Variants in AGBL1 observed in about 807,000 individuals in gnomAD.
AGBL1 encodes AGBL carboxypeptidase 1.
AGBL1 carries 130 observed loss-of-function variants against 118.9 expected under a neutral mutation model. That is an observed-to-expected ratio of 1.09 (90% CI 0.95 to 1.26). The LOEUF (loss-of-function observed/expected upper bound fraction) is 1.26. AGBL1 is among the 50% of genes most tolerant of loss of function. AGBL1 has a pLI of 0.00. For missense variants in AGBL1, 1,584 were observed against 1,298.1 expected (o/e 1.22, Z -3.38); for synonymous variants, 555 against 478.9 (o/e 1.16, Z -2.08).
intron 22 of AGBL1, among the ~76,000 whole-genome samples, chr15:86,891,903 G>C (rs575394289): frequency 2.0e-5 from 3 of 152,206 alleles, no homozygotes; most frequent in African/African-American, 7.2e-5. Flanking sequence ...AACTAATTAG[G>C]TAAATAGTTT....
chr15:86,747,978 G>T (rs546914068), intron 22 of AGBL1, among the ~76,000 whole-genome samples: 24 of 152,092 alleles, frequency 1.6e-4, no homozygotes, highest in African/African-American at 4.6e-4. Context: ...ATTTATAATC[G>T]TTTGGGTATA....
chr15:86,333,239 A>T (rs1230628564), intron 17 of AGBL1, among the ~76,000 whole-genome samples: 1 of 152,190 alleles, frequency 6.6e-6, no homozygotes, highest in Non-Finnish European at 1.5e-5. Context: ...GAATTGATGA[A>T]GCCCAAAGTT....
chr15:86,880,253 T>C (rs1048333479), intron 22 of AGBL1, among the ~76,000 whole-genome samples: 1 of 152,218 alleles, frequency 6.6e-6, no homozygotes, highest in African/African-American at 2.4e-5. Flanking sequence ...ATGTCAGTGA[T>C]AAAGTAAGAA....
chr15:86,964,031 C>CTGTGTGTG (rs1555466861), intron 23 of AGBL1, among the ~76,000 whole-genome samples: 6 of 146,306 alleles, frequency 4.1e-5, no homozygotes, highest in South Asian at 2.2e-4. Context: ...CTCTCTCTCT[C>CTGTGTGTG]TGTGTGTGTG....
intron 22 of AGBL1, among the ~76,000 whole-genome samples, chr15:86,855,392 G>A (rs2079463469): frequency 6.6e-6 from 1 of 152,194 alleles, no homozygotes; most frequent in African/African-American, 2.4e-5. Context: ...AGTGCCTCTT[G>A]AGTTCCAGGG....
At chr15:86,170,768 C>A (rs1344981874) in intron 5 of AGBL1, among the ~76,000 whole-genome samples, 1 of 151,898 alleles carries the variant, frequency 6.6e-6, no homozygotes, top group Non-Finnish European at 1.5e-5. Flanking sequence ...ATTGCTTGAA[C>A]CAGGTGGATG....
chr15:86,173,616 TG>T (rs2077443282), intron 5 of AGBL1, among the ~76,000 whole-genome samples: 1 of 152,178 alleles, frequency 6.6e-6, no homozygotes, highest in Non-Finnish European at 1.5e-5. Context: ...TGTTGATTTT[TG>T]TATGTGCCGA....
chr15:86,514,643 A>G (rs1396646240), intron 18 of AGBL1, among the ~76,000 whole-genome samples: 1 of 152,136 alleles, frequency 6.6e-6, no homozygotes. Flanking sequence ...GAAATTAGAC[A>G]AAAATATATG....
chr15:86,762,163 A>G (rs2078035337), intron 22 of AGBL1, among the ~76,000 whole-genome samples: 2 of 152,100 alleles, frequency 1.3e-5, no homozygotes, highest in Non-Finnish European at 2.9e-5. Flanking sequence ...GTGGGAGCTG[A>G]ACAATGAGAA....
intron 24 of AGBL1, among the ~76,000 whole-genome samples, chr15:87,017,341 T>C (rs1034035610): frequency 1.3e-4 from 20 of 152,246 alleles, no homozygotes; most frequent in African/African-American, 4.8e-4. Flanking sequence ...ATGAGACTTC[T>C]CAACAGAGGT....
At chr15:86,224,180 A>C (rs1330318369) in intron 5 of AGBL1, among the ~76,000 whole-genome samples, 1 of 152,132 alleles carries the variant, frequency 6.6e-6, no homozygotes, top group Non-Finnish European at 1.5e-5. Flanking sequence ...CCCTATAATT[A>C]TACTACACTG....
intron 5 of AGBL1, among the ~76,000 whole-genome samples, chr15:86,165,548 G>A (rs901506590): frequency 1.3e-5 from 2 of 152,144 alleles, no homozygotes; most frequent in African/African-American, 4.8e-5. Flanking sequence ...ACTCTTCACT[G>A]AGACAATGGA....
chr15:86,584,292 A>G (rs1423410524), intron 21 of AGBL1, among the ~76,000 whole-genome samples: 4 of 151,984 alleles, frequency 2.6e-5, no homozygotes, highest in African/African-American at 9.7e-5. Context: ...TTCCTAGATT[A>G]TATTCTAGTA....
chr15:86,518,664 A>C (rs781578879), intron 18 of AGBL1, among the ~76,000 whole-genome samples: 1 of 152,128 alleles, frequency 6.6e-6, no homozygotes, highest in African/African-American at 2.4e-5. Flanking sequence ...GTGGGAAACA[A>C]TCAAGGTAAA....
intron 22 of AGBL1, among the ~76,000 whole-genome samples, chr15:86,721,249 A>C (rs981499153): frequency 4.6e-5 from 7 of 152,236 alleles, no homozygotes; most frequent in African/African-American, 1.7e-4. Flanking sequence ...AAAAATCCTC[A>C]ATAAAATACT....
chr15:86,159,076 A>T (rs778607249), intron 5 of AGBL1, 50 bp downstream of exon 5: 3 of 1,530,048 alleles, frequency 2.0e-6, no homozygotes, highest in Non-Finnish European at 2.7e-6. Flanking sequence ...AGATGGAGAG[A>T]TGGAGATTGC....
At chr15:86,645,410 G>A (rs1006627993) in intron 21 of AGBL1, among the ~76,000 whole-genome samples, 11 of 152,114 alleles carry the variant, frequency 7.2e-5, no homozygotes, top group Admixed American at 7.2e-4. Flanking sequence ...TTAAAAAATG[G>A]GAAGATAAGC....
chr15:86,823,416 G>A (rs2078967901), intron 22 of AGBL1, among the ~76,000 whole-genome samples: 1 of 152,092 alleles, frequency 6.6e-6, no homozygotes, highest in Non-Finnish European at 1.5e-5. Context: ...CTTGAAATTT[G>A]CAATATCTCA....
At chr15:86,217,566 A>C (rs979388721) in intron 5 of AGBL1, among the ~76,000 whole-genome samples, 3 of 152,216 alleles carry the variant, frequency 2.0e-5, no homozygotes, top group African/African-American at 7.2e-5. Flanking sequence ...ACAGAGGACT[A>C]GGGGTCAAGG....
Sources: allele counts gnomAD v4.1 joint callset (sites outside exome capture counted in the v4.1 genomes callset), GRCh38; gene constraint gnomAD v4.1.1; transcripts MANE v1.5; gene names NCBI Gene and HGNC (gene_info 2026-07-23, HGNC 2026-07-21).